The following KDM4C variants were observed in gnomAD, a reference collection of about 807,000 sequenced individuals.
KDM4C encodes lysine-specific demethylase 4C.
A neutral mutation model predicts 129.3 loss-of-function variants in KDM4C; 81 were observed. The observed-to-expected ratio is 0.63, with a 90% CI of 0.52 to 0.75. The LOEUF is 0.75. KDM4C is among the 30% of genes least tolerant of loss of function. The pLI, the probability that KDM4C is intolerant of heterozygous loss-of-function variation, is 0.00. For missense variants in KDM4C, 1,457 were observed against 1,304.0 expected (o/e 1.12, Z -1.81); for synonymous variants, 573 against 456.1 (o/e 1.26, Z -3.26).
chr9:6,796,890 A>C (rs1157924871), intron 2 of KDM4C, among the ~76,000 whole-genome samples: 1 of 152,184 alleles, frequency 6.6e-6, no homozygotes, highest in East Asian at 1.9e-4. Flanking sequence ...TACCGAATCA[A>C]ATCATATTAT....
intron 15 of KDM4C, among the ~76,000 whole-genome samples, chr9:7,026,153 C>T (rs1207107229): frequency 6.6e-6 from 1 of 150,960 alleles, no homozygotes; most frequent in Non-Finnish European, 1.5e-5. Context: ...TGCAGTGAGC[C>T]GAGATCGCAC....
intron 1 of KDM4C, among the ~76,000 whole-genome samples, chr9:6,740,367 C>A (rs938199847): frequency 2.0e-5 from 3 of 151,970 alleles, no homozygotes; most frequent in Non-Finnish European, 4.4e-5. Context: ...CCCCACCTGG[C>A]TAATTTTTTG....
chr9:6,966,538 G>T (rs1831011533), intron 8 of KDM4C, among the ~76,000 whole-genome samples: 3 of 152,194 alleles, frequency 2.0e-5, no homozygotes, highest in Non-Finnish European at 4.4e-5. Context: ...AAGGCATGAA[G>T]ATCAGAAACA....
At position 7,156,182 on chromosome 9, in the gene KDM4C, T is replaced by C. The variant is rs151258407; in HGVS notation, c.2782-9056T>C. On this transcript the variant is annotated intron_variant, in intron 19 of 21. Coordinates refer to ENST00000381309, the MANE Select transcript of KDM4C (RefSeq NM_015061.6). ...TTGAGAAGGGTCTGTTCATATCCCTTGCCCACTTTTTGATGAGGTTGTTTG... is the reference window on the plus strand; with the variant it reads ...TTGAGAAGGGTCTGTTCATATCCCTCGCCCACTTTTTGATGAGGTTGTTTG... 0.023 allele frequency among the ~76,000 whole-genome samples: 3,464 copies of C among 152,322 alleles called. 252 individuals carry two copies. In the East Asian group the frequency reaches 0.26, roughly 12 times the overall value.
intron 5 of KDM4C, among the ~76,000 whole-genome samples, chr9:6,851,981 C>G (rs146495939): frequency 6.6e-6 from 1 of 152,244 alleles, no homozygotes; most frequent in Non-Finnish European, 1.5e-5. Flanking sequence ...TAGATTTATA[C>G]TGTCACTATT....
At chr9:6,730,143 C>T (rs1015670485) in intron 1 of KDM4C, among the ~76,000 whole-genome samples, 2 of 151,664 alleles carry the variant, frequency 1.3e-5, no homozygotes, top group African/African-American at 4.8e-5. Flanking sequence ...TTGTCAGTTG[C>T]ACCTGGAATA....
At chr9:6,762,349 G>C (rs72699617) in intron 1 of KDM4C, among the ~76,000 whole-genome samples, 1 of 145,842 alleles carries the variant, frequency 6.9e-6, no homozygotes, top group African/African-American at 2.6e-5. Flanking sequence ...AAAAATTTCT[G>C]TTTGTAGAGA....
intron 9 of KDM4C, among the ~76,000 whole-genome samples, chr9:6,983,901 T>C (rs16925061): frequency 6.6e-6 from 1 of 151,990 alleles, no homozygotes; most frequent in African/African-American, 2.4e-5. Context: ...GTCACAAAAT[T>C]TTAGGAATGG....
intron 17 of KDM4C, among the ~76,000 whole-genome samples, chr9:7,099,477 A>C (rs577953725): frequency 6.6e-6 from 1 of 152,242 alleles, no homozygotes; most frequent in Non-Finnish European, 1.5e-5. Context: ...ACAGTGCTCT[A>C]TAAATCACAC....
intron 8 of KDM4C, among the ~76,000 whole-genome samples, chr9:6,916,657 T>G (rs1245186796): frequency 6.6e-6 from 1 of 152,234 alleles, no homozygotes; most frequent in Non-Finnish European, 1.5e-5. Flanking sequence ...CAAGATAATT[T>G]ATATGTGTGA....
chr9:6,848,432 C>T (rs577957689), intron 4 of KDM4C, among the ~76,000 whole-genome samples: 3 of 152,134 alleles, frequency 2.0e-5, no homozygotes, highest in African/African-American at 4.8e-5. Context: ...TTTGGGAGGC[C>T]GAGGTGGGCA....
At chr9:6,760,445 GTATA>G (rs60954996) in intron 1 of KDM4C, among the ~76,000 whole-genome samples, 6 of 142,476 alleles carry the variant, frequency 4.2e-5, no homozygotes, top group East Asian at 2.1e-4. Context: ...CTACTCTTGG[GTATA>G]TATATATATA....
chr9:6,753,045 A>C (rs10815467), upstream of KDM4C, among the ~76,000 whole-genome samples: 4 of 151,876 alleles, frequency 2.6e-5, no homozygotes, highest in African/African-American at 9.7e-5. Context: ...CTTTTGATCT[A>C]AGCTCTGATG....
intron 19 of KDM4C, among the ~76,000 whole-genome samples, chr9:7,129,106 C>G (rs1304004418): frequency 2.0e-5 from 3 of 152,106 alleles, no homozygotes; most frequent in Non-Finnish European, 4.4e-5. Flanking sequence ...ATGTAGTCAT[C>G]ACTTCTGCCT....
chr9:6,881,024 T>C lies in KDM4C; in HGVS notation c.679+963T>C, dbSNP rs563254025. 2.0e-5 allele frequency among the ~76,000 whole-genome samples: 3 copies of C among 152,338 alleles called. No individual in the cohort carries two copies. In the East Asian group the frequency reaches 5.8e-4, roughly 29 times the overall value. ...CCAGGATTGAGTCCTCAGTGAGCAG[T>C]GCTCTTTTAGTCCAGTGCAGATCTA... On this transcript the variant is annotated intron_variant, in intron 6 of 21. Coordinates refer to ENST00000381309, the MANE Select transcript of KDM4C (RefSeq NM_015061.6).
intron 8 of KDM4C, among the ~76,000 whole-genome samples, chr9:6,922,403 C>T (rs1821701953): frequency 6.6e-6 from 1 of 151,952 alleles, no homozygotes; most frequent in Non-Finnish European, 1.5e-5. Flanking sequence ...TGTTTTTTTC[C>T]CCCCCATTAA....
At chr9:6,941,040 T>G (rs1313736201) in intron 8 of KDM4C, among the ~76,000 whole-genome samples, 1 of 152,112 alleles carries the variant, frequency 6.6e-6, no homozygotes, top group East Asian at 1.9e-4. Context: ...TCTTCCTTTT[T>G]TTTTTTTTTG....
At chr9:7,053,460 A>G (rs1018445860) in intron 17 of KDM4C, among the ~76,000 whole-genome samples, 3 of 152,146 alleles carry the variant, frequency 2.0e-5, no homozygotes, top group Admixed American at 1.3e-4. Context: ...CTGTGGATTT[A>G]TTGATCCTAA....
intron 8 of KDM4C, among the ~76,000 whole-genome samples, chr9:6,931,060 G>A (rs1162544840): frequency 6.6e-6 from 1 of 152,062 alleles, no homozygotes; most frequent in Non-Finnish European, 1.5e-5. Context: ...GAGAACCCTG[G>A]CATTTACACA....
Sources: gnomAD v4.1 joint callset for allele counts (sites outside exome capture counted in the v4.1 genomes callset) on GRCh38, gnomAD v4.1.1 for gene constraint, MANE v1.5 for transcripts, NCBI Gene and HGNC (gene_info 2026-07-23, HGNC 2026-07-21) for gene names.